KDM4B: variants seen among roughly 807,000 people sequenced by gnomAD.
The protein encoded by KDM4B is lysine-specific demethylase 4B.
A neutral mutation model predicts 125.2 loss-of-function variants in KDM4B; 32 were observed. The observed-to-expected ratio is 0.26, with a 90% CI of 0.19 to 0.34. The LOEUF (loss-of-function observed/expected upper bound fraction) is 0.34, where lower values mean the gene tolerates loss of function less well. Among genes scored for constraint, KDM4B ranks in the 10% least tolerant of loss-of-function variants. The pLI is 1.00. For missense variants in KDM4B, 1,190 were observed against 1,577.7 expected (o/e 0.75, Z 4.16); for synonymous variants, 721 against 677.9 (o/e 1.06, Z -0.99).
At chr19:5,027,955 C>G (rs1366290209) in intron 2 of KDM4B, among the ~76,000 whole-genome samples, 1 of 152,170 alleles carries the variant, frequency 6.6e-6, no homozygotes, top group East Asian at 1.9e-4. Context: ...ACTTGTGCAA[C>G]TATCATCACA....
At chr19:5,146,570 CA>C (rs1248368428) in intron 21 of KDM4B, among the ~76,000 whole-genome samples, 1 of 152,162 alleles carries the variant, frequency 6.6e-6, no homozygotes, top group Non-Finnish European at 1.5e-5. Context: ...TAGCCCATCC[CA>C]GGCAGCAGCA....
chr19:4,978,506 C>CAAAAAAAAAAAAAAA, intron 1 of KDM4B, among the ~76,000 whole-genome samples: 1 of 36,394 alleles, frequency 2.7e-5, no homozygotes, highest in Non-Finnish European at 4.5e-5. Context: ...GACTCTGTCT[C>CAAAAAAAAAAAAAAA]AAAAAAAAAA....
At chr19:5,133,860 C>T (rs746483106) in intron 13 of KDM4B, 23 bp from the exon 14 acceptor site, 1 of 1,609,982 alleles carries the variant, frequency 6.2e-7, no homozygotes, top group South Asian at 1.1e-5. Flanking sequence ...GTGTCTCTCT[C>T]CCTCTCCCCT....
At chr19:5,150,507 C>T (rs960777503) in intron 22 of KDM4B, 57 bp downstream of exon 22, 20 of 1,271,380 alleles carry the variant, frequency 1.6e-5, no homozygotes, top group South Asian at 2.6e-5. Context: ...CCGTCTGGGA[C>T]GAGGCAGGGC....
chr19:5,108,971 G>A lies in KDM4B; in HGVS notation c.919-1651G>A, dbSNP rs538993314. Among the ~76,000 whole-genome samples, 459 of 152,212 alleles carry A rather than the reference G, an allele frequency of 3.0e-3. 4 individuals are homozygous for A. Among genetic ancestry groups the A allele is most frequent in the African/African-American group, 0.01 (421 of 41,540 alleles). On this transcript the variant is annotated intron_variant, in intron 9 of 22. Coordinates refer to ENST00000159111, the MANE Select transcript of KDM4B (RefSeq NM_015015.3). Reference sequence around the variant, plus strand: ...CCCCATGCCTGTGGAGACTCCCAGGGGCTACTTTGTCCCCTAGAATCTAGA... The same window carrying A: ...CCCCATGCCTGTGGAGACTCCCAGGAGCTACTTTGTCCCCTAGAATCTAGA...
chr19:5,090,417 CCCCT>C (rs2038661598), intron 9 of KDM4B, among the ~76,000 whole-genome samples: 1 of 78,948 alleles, frequency 1.3e-5, no homozygotes, highest in African/African-American at 5.1e-5. Context: ...TCCCCCTCTC[CCCCT>C]CTGTCTCTCT....
chr19:4,985,649 C>T (rs890975186), intron 1 of KDM4B, among the ~76,000 whole-genome samples: 5 of 152,280 alleles, frequency 3.3e-5, no homozygotes, highest in African/African-American at 4.8e-5. Context: ...GGGTGAGAGG[C>T]GGGTGTGAGC....
chr19:5,138,689 G>A (rs559920227), intron 18 of KDM4B, among the ~76,000 whole-genome samples: 27 of 152,240 alleles, frequency 1.8e-4, no homozygotes, highest in Admixed American at 4.6e-4. Context: ...AATGCTTAGC[G>A]TGAGATCTGC....
chr19:4,976,387 G>C (rs189812697), intron 1 of KDM4B, among the ~76,000 whole-genome samples: 1 of 152,084 alleles, frequency 6.6e-6, no homozygotes, highest in Non-Finnish European at 1.5e-5. Flanking sequence ...CAGTGTAGGT[G>C]GGGGGAACGC....
chr19:5,019,450 GTGTTGGTGTGCA>G lies in KDM4B; in HGVS notation c.-26+3112_-26+3123del, dbSNP rs889615801. Among the ~76,000 whole-genome samples the G allele has an allele frequency of 8.7e-4, 118 of 136,390 alleles. 2 individuals carry two copies. In the East Asian group the frequency reaches 0.027, roughly 31 times the overall value. 89.5% of individuals were successfully genotyped at this position (136,390 alleles called of 152,430 possible). On this transcript the variant is annotated intron_variant, in intron 2 of 22. Transcript: ENST00000159111. ...CGTTGGTGTGCGGGTGTTGGTGTGC[GTGTTGGTGTGCA>G]GGTGTGGGTGTTGGTGTTGGTGTGC... is the stretch of plus-strand genomic sequence containing the variant.
chr19:5,045,476 T>C (rs2036996418), intron 5 of KDM4B, among the ~76,000 whole-genome samples: 1 of 152,108 alleles, frequency 6.6e-6, no homozygotes, highest in South Asian at 2.1e-4. Flanking sequence ...AACCTCCACT[T>C]CCTGGGTTCA....
At chr19:4,989,102 C>T (rs916878115) in intron 1 of KDM4B, among the ~76,000 whole-genome samples, 11 of 152,134 alleles carry the variant, frequency 7.2e-5, no homozygotes, top group African/African-American at 2.4e-4. Context: ...GATGAGAGGA[C>T]GGGAGGGTGG....
intron 18 of KDM4B, among the ~76,000 whole-genome samples, chr19:5,139,817 G>A (rs1461410352): frequency 6.6e-6 from 1 of 152,214 alleles, no homozygotes; most frequent in African/African-American, 2.4e-5. Context: ...CACTCTTGGT[G>A]CACATTGAGG....
chr19:5,119,267 C>T (rs751012432), intron 10 of KDM4B: 160 of 1,263,046 alleles, frequency 1.3e-4, no homozygotes, highest in South Asian at 3.8e-5. Flanking sequence ...TTTCCATGAG[C>T]TGCTGTTTCC....
chr19:5,049,844 C>G (rs946711911), intron 6 of KDM4B, among the ~76,000 whole-genome samples: 9 of 152,188 alleles, frequency 5.9e-5, no homozygotes, highest in Non-Finnish European at 1.2e-4. Context: ...GCCGGAGCCT[C>G]TTGGATCCTC....
intron 2 of KDM4B, among the ~76,000 whole-genome samples, chr19:5,023,645 A>T (rs559673102): frequency 6.6e-6 from 1 of 152,114 alleles, no homozygotes; most frequent in South Asian, 2.1e-4. Context: ...TGGGACAGGG[A>T]CCAGTGGGAG....
chr19:5,014,246 A>G (rs1275110687), intron 1 of KDM4B, among the ~76,000 whole-genome samples: 1 of 152,192 alleles, frequency 6.6e-6, no homozygotes, highest in Non-Finnish European at 1.5e-5. Context: ...CTGGGACCAC[A>G]GGCACATGCT....
intron 6 of KDM4B, among the ~76,000 whole-genome samples, chr19:5,068,069 C>A (rs1457928817): frequency 1.3e-5 from 2 of 151,986 alleles, no homozygotes; most frequent in East Asian, 3.8e-4. Context: ...ACAAACATTT[C>A]CAAACCAAAT....
intron 2 of KDM4B, among the ~76,000 whole-genome samples, chr19:5,025,176 C>T (rs1485771242): frequency 6.6e-6 from 1 of 152,102 alleles, no homozygotes; most frequent in Non-Finnish European, 1.5e-5. Flanking sequence ...CTGTCTTGAG[C>T]CCCGAATAAA....
Sources: allele counts gnomAD v4.1 joint callset (sites outside exome capture counted in the v4.1 genomes callset), GRCh38; gene constraint gnomAD v4.1.1; transcripts MANE v1.5; gene names NCBI Gene and HGNC (gene_info 2026-07-23, HGNC 2026-07-21).